The following NTM variants were observed in gnomAD, a reference collection of about 807,000 sequenced individuals.
The protein encoded by NTM is neurotrimin, also known as IgLON family member 2.
In NTM, 13 loss-of-function variants were observed where a neutral mutation model predicts 42.1. That is an observed-to-expected ratio of 0.31 (90% CI 0.20 to 0.49). The LOEUF is 0.49. NTM is among the 20% of genes least tolerant of loss of function. The probability of loss-of-function intolerance (pLI) is 0.99; values close to 1 mark genes in which losing one functional copy is unlikely to be tolerated. For synonymous variants in NTM, 187 were observed against 179.2 expected (o/e 1.04, Z -0.35); for missense variants, 373 against 452.8 (o/e 0.82, Z 1.60).
At chr11:131,743,116 A>G (rs1340559880) in intron 1 of NTM, among the ~76,000 whole-genome samples, 1 of 152,210 alleles carries the variant, frequency 6.6e-6, no homozygotes. Flanking sequence ...CCATTGTCTC[A>G]ACAAAAGTTG....
chr11:131,683,367 G>C (rs554796246), intron 1 of NTM, among the ~76,000 whole-genome samples: 9 of 152,340 alleles, frequency 5.9e-5, no homozygotes, highest in African/African-American at 1.9e-4. Flanking sequence ...GGGTGCACGG[G>C]AGGAGGGGAA....
chr11:132,307,896 C>T, intron 5 of NTM, 73 bp downstream of exon 5: 1 of 1,453,040 alleles, frequency 6.9e-7, no homozygotes, highest in East Asian at 2.4e-5. Flanking sequence ...CACCCAGAGC[C>T]CATTGGCACA....
In NTM at chr11:132,130,731, T is replaced by C. The variant is rs111453324; in HGVS notation, c.168-15551T>C. On this transcript the variant is annotated intron_variant, in intron 2 of 8. Transcript: ENST00000683400. ...TCAAACAGCCCTGCCCCTCAGAGAA[T>C]AGGGAAGTCTGATGGAGTTGCCGGC... is the stretch of plus-strand genomic sequence containing the variant. Among the ~76,000 whole-genome samples, 908 of 152,246 alleles carry C rather than the reference T, an allele frequency of 6.0e-3. 5 individuals carry two copies. The highest frequency in any genetic ancestry group is 0.021 in the African/African-American group (870 of 41,552).
intron 1 of NTM, among the ~76,000 whole-genome samples, chr11:131,592,222 G>A (rs1318315813): frequency 2.0e-5 from 3 of 152,216 alleles, no homozygotes; most frequent in Non-Finnish European, 4.4e-5. Context: ...GCTAAAAAAT[G>A]TGGTAGAGCA....
At chr11:131,387,521 A>C (rs1197057435) in intron 1 of NTM, among the ~76,000 whole-genome samples, 1 of 152,240 alleles carries the variant, frequency 6.6e-6, no homozygotes, top group East Asian at 1.9e-4. Flanking sequence ...AAATAAGACC[A>C]GGAAAAGAAT....
intron 1 of NTM, among the ~76,000 whole-genome samples, chr11:131,741,866 C>T (rs1204398735): frequency 6.6e-6 from 1 of 152,176 alleles, no homozygotes; most frequent in African/African-American, 2.4e-5. Flanking sequence ...AAATGTGGTA[C>T]ATACGCACCA....
At chr11:131,646,319 C>G (rs1182029515) in intron 1 of NTM, among the ~76,000 whole-genome samples, 2 of 152,170 alleles carry the variant, frequency 1.3e-5, no homozygotes, top group Non-Finnish European at 2.9e-5. Context: ...CTACCTGGCC[C>G]TTTTCTCTAT....
At chr11:131,706,375 C>T (rs962954640) in intron 1 of NTM, among the ~76,000 whole-genome samples, 3 of 151,692 alleles carry the variant, frequency 2.0e-5, no homozygotes, top group South Asian at 4.2e-4. Flanking sequence ...ACAGCAATGC[C>T]GTAATAGTAA....
At chr11:131,822,108 C>T (rs1411820877) in intron 1 of NTM, among the ~76,000 whole-genome samples, 1 of 151,744 alleles carries the variant, frequency 6.6e-6, no homozygotes, top group Non-Finnish European at 1.5e-5. Flanking sequence ...CTCCCAGGCA[C>T]ATAAAGTGAC....
chr11:132,059,800 A>G (rs1209936260), intron 2 of NTM, among the ~76,000 whole-genome samples: 3 of 144,194 alleles, frequency 2.1e-5, no homozygotes, highest in African/African-American at 5.1e-5. Context: ...TCTTCAGGGT[A>G]TTTATGTCAA....
intron 1 of NTM, among the ~76,000 whole-genome samples, chr11:131,883,309 C>T (rs577700059): frequency 3.9e-5 from 6 of 152,290 alleles, no homozygotes; most frequent in Admixed American, 1.3e-4. Context: ...AAGCTGGAGA[C>T]GGGGAACTGG....
At chr11:132,332,604 G>A (rs2095820145) in intron 8 of NTM, 1 of 152,294 alleles carries the variant, frequency 6.6e-6, no homozygotes, top group Admixed American at 6.5e-5. Context: ...GAACTCTGAG[G>A]GGCGTAGCAA....
chr11:132,284,126 T>G (rs771818817), intron 4 of NTM, among the ~76,000 whole-genome samples: 1 of 152,160 alleles, frequency 6.6e-6, no homozygotes, highest in African/African-American at 2.4e-5. Context: ...AAATGAGGTA[T>G]GGGAAAGAGC....
intron 1 of NTM, among the ~76,000 whole-genome samples, chr11:131,874,030 AATATATAT>A (rs59083400): frequency 0.017 from 1,268 of 76,538 alleles, 42 homozygotes; most frequent in African/African-American, 0.042. Context: ...AATATAATAT[AATATATAT>A]ATATATATAT....
At chr11:131,485,899 G>A (rs1954126061) in intron 1 of NTM, among the ~76,000 whole-genome samples, 1 of 152,144 alleles carries the variant, frequency 6.6e-6, no homozygotes. Context: ...GAGATCCTAG[G>A]CAGGGAATGC....
intron 1 of NTM, among the ~76,000 whole-genome samples, chr11:131,526,405 G>A (rs1480253632): frequency 1.3e-5 from 2 of 152,238 alleles, no homozygotes; most frequent in Non-Finnish European, 2.9e-5. Flanking sequence ...ATAGATGGGA[G>A]CGTGCATCTC....
At chr11:131,563,511 G>T (rs2056488372) in intron 1 of NTM, among the ~76,000 whole-genome samples, 1 of 150,712 alleles carries the variant, frequency 6.6e-6, no homozygotes, top group Non-Finnish European at 1.5e-5. Flanking sequence ...ATGGGTGTTA[G>T]CCTGGGCGGG....
At chr11:131,538,467 A>T in intron 1 of NTM, 1 of 152,220 alleles carries the variant, frequency 6.6e-6, no homozygotes, top group East Asian at 1.9e-4. Context: ...CCTACTCTGT[A>T]TATGGTACTG....
intron 3 of NTM, among the ~76,000 whole-genome samples, chr11:132,147,208 TGTGTGTGA>T (rs1169489402): frequency 2.0e-4 from 26 of 127,244 alleles, no homozygotes; most frequent in East Asian, 1.1e-3. Context: ...TGTGTGTGTG[TGTGTGTGA>T]GAGAGAGAGA....
Sources: allele counts gnomAD v4.1 joint callset (sites outside exome capture counted in the v4.1 genomes callset), GRCh38; gene constraint gnomAD v4.1.1; transcripts MANE v1.5; gene names NCBI Gene and HGNC (gene_info 2026-07-23, HGNC 2026-07-21).